Variants in RNGTT observed in about 807,000 individuals in gnomAD.
The protein encoded by RNGTT is RNA guanylyltransferase and 5'-phosphatase.
RNGTT carries 33 observed loss-of-function variants against 79.3 expected under a neutral mutation model. That is an observed-to-expected ratio of 0.42 (90% CI 0.32 to 0.56). RNGTT has a LOEUF of 0.56. RNGTT is among the 20% of genes least tolerant of loss of function. RNGTT has a pLI of 0.17. For missense variants in RNGTT, 497 were observed against 739.1 expected (o/e 0.67, Z 3.80); for synonymous variants, 222 against 235.9 (o/e 0.94, Z 0.54).
chr6:88,746,349 G>A (rs1777657411), intron 13 of RNGTT, among the ~76,000 whole-genome samples: 1 of 152,140 alleles, frequency 6.6e-6, no homozygotes, highest in Non-Finnish European at 1.5e-5. Flanking sequence ...GGGAGGCCAG[G>A]TCCCCTTGCA....
At chr6:88,677,984 T>A in intron 14 of RNGTT, 1 of 142,786 alleles carries the variant, frequency 7.0e-6, no homozygotes, top group South Asian at 2.4e-4. Context: ...ATTCACTTTT[T>A]TTTTTTTTTT....
chr6:88,651,073 C>T (rs752922384), intron 14 of RNGTT, among the ~76,000 whole-genome samples: 24 of 151,914 alleles, frequency 1.6e-4, no homozygotes, highest in Non-Finnish European at 3.1e-4. Context: ...GAGATTATAA[C>T]TTTGAGCTCT....
At chr6:88,747,758 G>A (rs1582412143) in intron 13 of RNGTT, among the ~76,000 whole-genome samples, 1 of 152,200 alleles carries the variant, frequency 6.6e-6, no homozygotes, top group African/African-American at 2.4e-5. Context: ...ACCTGATGCT[G>A]TAGATGACCT....
intron 13 of RNGTT, among the ~76,000 whole-genome samples, chr6:88,704,174 G>A (rs989373741): frequency 1.4e-5 from 2 of 147,284 alleles, no homozygotes; most frequent in African/African-American, 5.0e-5. Context: ...GCAGGAGAAT[G>A]GCATGAACCC....
chr6:88,874,612 A>G (rs570415825), intron 8 of RNGTT, among the ~76,000 whole-genome samples: 1 of 152,016 alleles, frequency 6.6e-6, no homozygotes, highest in Non-Finnish European at 1.5e-5. Flanking sequence ...ATAATGAATA[A>G]GAGTATGTGA....
intron 13 of RNGTT, among the ~76,000 whole-genome samples, chr6:88,679,491 C>G (rs989675157): frequency 6.6e-6 from 1 of 151,994 alleles, no homozygotes; most frequent in Non-Finnish European, 1.5e-5. Flanking sequence ...TTATTTTGCA[C>G]GCAATATGGA....
chr6:88,816,359 G>A (rs1290482293), intron 11 of RNGTT, among the ~76,000 whole-genome samples: 1 of 152,140 alleles, frequency 6.6e-6, no homozygotes, highest in Non-Finnish European at 1.5e-5. Context: ...GCACATATGT[G>A]TATACAGTAT....
intron 11 of RNGTT, among the ~76,000 whole-genome samples, chr6:88,832,010 T>C (rs1302080416): frequency 3.3e-5 from 5 of 152,090 alleles, no homozygotes; most frequent in South Asian, 2.1e-4. Flanking sequence ...AATGGCCATA[T>C]AGCCCAAAGT....
At chr6:88,872,096 G>C (rs1226109006) in intron 8 of RNGTT, among the ~76,000 whole-genome samples, 1 of 152,082 alleles carries the variant, frequency 6.6e-6, no homozygotes. Context: ...CATTAAGTTA[G>C]GAATACTAAC....
intron 13 of RNGTT, among the ~76,000 whole-genome samples, chr6:88,707,148 C>T (rs1007051138): frequency 6.6e-6 from 1 of 151,942 alleles, no homozygotes; most frequent in Non-Finnish European, 1.5e-5. Context: ...TTGTATCAGT[C>T]AATAAGATGA....
intron 13 of RNGTT, among the ~76,000 whole-genome samples, chr6:88,746,985 C>T (rs1777679855): frequency 6.6e-6 from 1 of 152,148 alleles, no homozygotes; most frequent in Non-Finnish European, 1.5e-5. Flanking sequence ...AGTCCACAGA[C>T]TCACCCTGTG....
intron 1 of RNGTT, among the ~76,000 whole-genome samples, chr6:88,959,424 C>A (rs568456333): frequency 7.1e-4 from 108 of 152,260 alleles, no homozygotes; most frequent in Non-Finnish European, 1.3e-3. Flanking sequence ...CTTAATATCT[C>A]CTCCAACCTG....
intron 13 of RNGTT, among the ~76,000 whole-genome samples, chr6:88,761,016 AAT>A (rs869180656): frequency 2.1e-4 from 20 of 94,438 alleles, no homozygotes; most frequent in South Asian, 1.1e-3. Context: ...AAGCAAAAGA[AAT>A]ACACACACAC....
chr6:88,614,105 A>T (rs966900178), intron 15 of RNGTT, among the ~76,000 whole-genome samples, 167 bp downstream of exon 15: 3 of 152,240 alleles, frequency 2.0e-5, no homozygotes, highest in Admixed American at 6.5e-5. Flanking sequence ...CTACAAGCCA[A>T]CTGGAGCCAA....
At position 88,678,570 on chromosome 6, in the gene RNGTT, T is replaced by C. The variant is rs186714140; in HGVS notation, c.1440-151A>G. 340 of 376,320 alleles carry C rather than the reference T, an allele frequency of 9.0e-4. 5 individuals are homozygous for C. The highest frequency in any genetic ancestry group is 6.8e-3 in the African/African-American group (324 of 47,354). 23.3% of individuals were successfully genotyped at this position (376,320 alleles called of 1,614,324 possible). A position where few individuals can be genotyped will look rare whatever the true frequency, so the allele number is the denominator to read the frequency against. ...AGAAAAGTAATAACTGTGTAATTAT[T>C]CTTATCTTTCACACTATGAGATAGT... is the stretch of plus-strand genomic sequence containing the variant. On this transcript the variant is annotated intron_variant, in intron 13 of 15. Transcript: ENST00000369485.
intron 13 of RNGTT, among the ~76,000 whole-genome samples, chr6:88,760,347 G>C (rs1429631625): frequency 6.6e-6 from 1 of 152,182 alleles, no homozygotes; most frequent in Non-Finnish European, 1.5e-5. Context: ...ACTGAAAAGA[G>C]TTCAGTCACA....
chr6:88,906,226 A>T, intron 5 of RNGTT, 139 bp downstream of exon 5: 2 of 618,582 alleles, frequency 3.2e-6, no homozygotes, highest in South Asian at 4.3e-5. Context: ...AAGATTAACC[A>T]TATCTAAAAT....
chr6:88,848,958 GCTAT>G (rs146849710), intron 10 of RNGTT, among the ~76,000 whole-genome samples: 2,873 of 152,040 alleles, frequency 0.019, 82 homozygotes, highest in African/African-American at 0.065. Context: ...TTAGAAAACT[GCTAT>G]CTAAGAGACA....
intron 14 of RNGTT, among the ~76,000 whole-genome samples, chr6:88,647,295 A>C (rs75304612): frequency 6.6e-6 from 1 of 152,178 alleles, no homozygotes; most frequent in African/African-American, 2.4e-5. Context: ...TTTATTTTCA[A>C]CACAAACTCT....
Sources: allele counts gnomAD v4.1 joint callset (sites outside exome capture counted in the v4.1 genomes callset), GRCh38; gene constraint gnomAD v4.1.1; transcripts MANE v1.5; gene names NCBI Gene and HGNC (gene_info 2026-07-23, HGNC 2026-07-21).